PAPPA2: variants seen among roughly 807,000 people sequenced by gnomAD.
PAPPA2 encodes pappalysin-2.
PAPPA2 carries 86 observed loss-of-function variants against 176.4 expected under a neutral mutation model. The observed-to-expected ratio is 0.49, with a 90% CI of 0.41 to 0.58. PAPPA2 has a LOEUF of 0.58. Ranked by LOEUF, PAPPA2 falls within the 20% of genes least tolerant of loss-of-function variation. PAPPA2 has a pLI of 0.00. For missense variants in PAPPA2, 2,073 were observed against 2,256.9 expected (o/e 0.92, Z 1.65); for synonymous variants, 809 against 852.2 (o/e 0.95, Z 0.88).
At chr1:176,489,519 T>C (rs1373260042) in intron 1 of PAPPA2, among the ~76,000 whole-genome samples, 2 of 152,204 alleles carry the variant, frequency 1.3e-5, no homozygotes. Context: ...AATTGGTAGG[T>C]AAATGCCTGA....
chr1:176,804,383 T>C (rs1665806119), intron 21 of PAPPA2, among the ~76,000 whole-genome samples: 1 of 152,232 alleles, frequency 6.6e-6, no homozygotes, highest in Non-Finnish European at 1.5e-5. Context: ...ACTGGGCGAA[T>C]GGGAGGAGAT....
chr1:176,789,773 A>T (rs1450306457), intron 17 of PAPPA2, 36 bp from the exon 18 acceptor site: 1 of 1,578,426 alleles, frequency 6.3e-7, no homozygotes. Flanking sequence ...TTCTTGAAAG[A>T]TTCTGATGAG....
chr1:176,769,935 G>GCAA (rs1163754470), intron 16 of PAPPA2, 151 bp downstream of exon 16: 4 of 780,594 alleles, frequency 5.1e-6, no homozygotes, highest in Non-Finnish European at 7.8e-6. Context: ...GTCCCAAAAG[G>GCAA]CAACACCACT....
intron 14 of PAPPA2, among the ~76,000 whole-genome samples, chr1:176,746,667 T>G (rs1466831098): frequency 2.6e-5 from 4 of 152,164 alleles, no homozygotes; most frequent in Admixed American, 6.5e-5. Context: ...CCTTATTAGT[T>G]TATTCAGTAT....
Position 176,789,970 on chromosome 1 carries a change from G to A in PAPPA2, c.4877G>A (p.Arg1626His), listed in dbSNP as rs1412591170. The A allele has an allele frequency of 7.4e-6, 12 of 1,613,846 alleles. No homozygotes were observed. Among genetic ancestry groups the A allele is most frequent in the Admixed American group, 3.3e-5 (2 of 59,990 alleles). ...TGTGTGCTCAACTGTAACCAGGAAC[G>A]TGAAAAGGTAAGGAACATTTTTTGA... ...SQCVLNCNQE[R>H]EKLPILCTKE... The change falls in exon 18 of 23, where the codon CGT becomes CAT. Residue 1626 changes from arginine to histidine, a missense_variant. This residue lies in a region of PAPPA2 where 846 missense variants were observed against 857.9 expected (regional missense o/e 0.99). Transcript: ENST00000367662.
At chr1:176,778,608 T>G (rs979118711) in intron 17 of PAPPA2, among the ~76,000 whole-genome samples, 2 of 152,192 alleles carry the variant, frequency 1.3e-5, no homozygotes, top group African/African-American at 4.8e-5. Flanking sequence ...TAAAAAATTA[T>G]AAAAGTAATC....
chr1:176,565,655 C>A (rs901880019), intron 2 of PAPPA2, among the ~76,000 whole-genome samples: 1 of 152,222 alleles, frequency 6.6e-6, no homozygotes, highest in Admixed American at 6.5e-5. Context: ...ATGACTGTGC[C>A]GCTGCACTCC....
intron 1 of PAPPA2, among the ~76,000 whole-genome samples, chr1:176,511,497 G>A (rs551199119): frequency 2.6e-5 from 4 of 152,138 alleles, no homozygotes; most frequent in East Asian, 1.9e-4. Context: ...ACTTCTGTTC[G>A]ACACTCGTTG....
intron 3 of PAPPA2, among the ~76,000 whole-genome samples, chr1:176,630,608 A>G (rs1399572415): frequency 6.6e-6 from 1 of 152,190 alleles, no homozygotes; most frequent in South Asian, 2.1e-4. Context: ...CCCAGAAAAA[A>G]ATGACAAGTC....
chr1:176,509,963 G>A lies in PAPPA2; in HGVS notation c.-916-45444G>A, dbSNP rs1358996265. 2.0e-5 allele frequency among the ~76,000 whole-genome samples: 3 copies of A among 152,142 alleles called. No homozygotes were observed. In the South Asian group the frequency reaches 6.2e-4, roughly 31 times the overall value. ...GCAGGAAGATCGCCTGAGCCAGGGA[G>A]GTTGAGACTGCCATGAGTTGTGATC... On this transcript the variant is annotated intron_variant, in intron 1 of 22. Coordinates refer to ENST00000367662, the MANE Select transcript of PAPPA2 (RefSeq NM_020318.3).
At chr1:176,503,135 A>G (rs1558405381) in intron 1 of PAPPA2, among the ~76,000 whole-genome samples, 1 of 152,064 alleles carries the variant, frequency 6.6e-6, no homozygotes, top group Non-Finnish European at 1.5e-5. Context: ...TCTAGGAGAG[A>G]ATCAATTTTT....
chr1:176,816,930 TATA>T (rs150761392), intron 21 of PAPPA2, among the ~76,000 whole-genome samples: 250 of 152,284 alleles, frequency 1.6e-3, no homozygotes, highest in African/African-American at 5.6e-3. Flanking sequence ...CTCCTGAAAG[TATA>T]AATTTTAGAT....
intron 1 of PAPPA2, among the ~76,000 whole-genome samples, chr1:176,487,937 T>C (rs1291005229): frequency 1.3e-5 from 2 of 152,126 alleles, no homozygotes; most frequent in African/African-American, 4.8e-5. Flanking sequence ...AACAACGAGG[T>C]TGATGTGGAA....
intron 8 of PAPPA2, among the ~76,000 whole-genome samples, chr1:176,700,531 G>A (rs1660604392): frequency 6.6e-6 from 1 of 152,254 alleles, no homozygotes; most frequent in Non-Finnish European, 1.5e-5. Context: ...ACACAGCTGA[G>A]ACAGCTGGCA....
intron 2 of PAPPA2, among the ~76,000 whole-genome samples, chr1:176,579,550 AT>A (rs1316837015): frequency 6.6e-6 from 1 of 152,042 alleles, no homozygotes; most frequent in African/African-American, 2.4e-5. Flanking sequence ...CAGTCTATAC[AT>A]TTTTTTGAGT....
chr1:176,559,513 A>G (rs1055600738), intron 2 of PAPPA2, among the ~76,000 whole-genome samples: 2 of 152,150 alleles, frequency 1.3e-5, no homozygotes, highest in Non-Finnish European at 2.9e-5. Flanking sequence ...TTGTGTACTC[A>G]CTGTGCTTAG....
At chr1:176,530,930 A>G (rs534873550) in intron 1 of PAPPA2, among the ~76,000 whole-genome samples, 85 of 152,320 alleles carry the variant, frequency 5.6e-4, no homozygotes, top group African/African-American at 1.9e-3. Flanking sequence ...CTACATTTGT[A>G]CATTTCTACT....
intron 7 of PAPPA2, among the ~76,000 whole-genome samples, chr1:176,697,430 T>C (rs1660437474): frequency 6.6e-6 from 1 of 152,172 alleles, no homozygotes; most frequent in Non-Finnish European, 1.5e-5. Flanking sequence ...TAAGTATATA[T>C]GATTAATAAG....
intron 1 of PAPPA2, among the ~76,000 whole-genome samples, chr1:176,539,839 A>G (rs763242294): frequency 1.8e-4 from 27 of 152,192 alleles, no homozygotes; most frequent in Non-Finnish European, 3.1e-4. Context: ...GTCACAGAAC[A>G]TTTTGCTGTG....
Sources: gnomAD v4.1 joint callset for allele counts (sites outside exome capture counted in the v4.1 genomes callset) on GRCh38, gnomAD v4.1.1 for gene constraint, gnomAD v4.1.1 regional missense constraint, MANE v1.5 for transcripts, NCBI Gene and HGNC (gene_info 2026-07-23, HGNC 2026-07-21) for gene names.